Variants in SYTL5 observed in about 807,000 individuals in gnomAD.
SYTL5 encodes the protein synaptotagmin-like protein 5.
A neutral mutation model predicts 55.9 loss-of-function variants in SYTL5; 34 were observed. That is an observed-to-expected ratio of 0.61 (90% CI 0.46 to 0.81). SYTL5 has a LOEUF of 0.81. Ranked by LOEUF, SYTL5 falls within the 30% of genes least tolerant of loss-of-function variation. The pLI is 0.00. For synonymous variants in SYTL5, 221 were observed against 188.7 expected (o/e 1.17, Z -1.40); for missense variants, 637 against 546.7 (o/e 1.17, Z -1.65).
chrX:38,123,776 A>G (rs987297662), intron 15 of SYTL5, among the ~76,000 whole-genome samples: 2 of 112,154 alleles, frequency 1.8e-5, no homozygotes, highest in African/African-American at 6.5e-5. Flanking sequence ...TTCTAGAAAG[A>G]AAAACAAAAG....
In SYTL5 at chrX:38,076,658, G is replaced by A. The variant is rs370179164; in HGVS notation, c.646G>A (p.Gly216Ser). 8.3e-6 allele frequency: 10 copies of A among 1,210,355 alleles called. No homozygotes were observed. The Middle Eastern group carries it at 6.9e-4, about 84-fold the overall frequency. ...TGRSYSLDLD[G>S]QHFRSLKSPP... ...GCGGAGCTATAGCTTGGACTTAGAC[G>A]GTCAACATTTTCGGAGTTTAAAATC... Residue 216 changes from glycine to serine, a missense_variant, in exon 6 of 17, where the codon GGT becomes AGT. By Grantham distance (56) the Gly-to-Ser change is moderately conservative. Coordinates refer to ENST00000297875, the MANE Select transcript of SYTL5 (RefSeq NM_138780.3).
chrX:38,040,705 C>T (rs905234588), intron 2 of SYTL5, among the ~76,000 whole-genome samples: 4 of 111,787 alleles, frequency 3.6e-5, no homozygotes, highest in Admixed American at 1.9e-4. Flanking sequence ...ATATGTACCA[C>T]GTTTTGTTTA....
At chrX:38,018,981 T>C (rs1488779821) in intron 1 of SYTL5, among the ~76,000 whole-genome samples, 1 of 112,191 alleles carries the variant, frequency 8.9e-6, no homozygotes, top group Non-Finnish European at 1.9e-5. Context: ...GTGCTGGTCT[T>C]TCAAAAAACA....
At chrX:37,939,048 G>A in the SYTL5 span, among the ~76,000 whole-genome samples, 6 of 110,360 alleles carry the variant, frequency 5.4e-5, no homozygotes, top group Admixed American at 3.9e-4. Flanking sequence ...ACCTGAGGTC[G>A]GGAGTTTGAG....
At chrX:38,013,916 T>TAG (rs1934263802) in intron 1 of SYTL5, among the ~76,000 whole-genome samples, 1 of 110,700 alleles carries the variant, frequency 9.0e-6, no homozygotes, top group Non-Finnish European at 1.9e-5. Context: ...CAACTCCTCC[T>TAG]CTCCTAGCTT....
At chrX:38,007,080 C>G (rs927776878) in intron 1 of SYTL5, among the ~76,000 whole-genome samples, 1 of 111,397 alleles carries the variant, frequency 9.0e-6, no homozygotes, top group African/African-American at 3.2e-5. Context: ...TCTCACATCT[C>G]TATATAACAT....
intron 1 of SYTL5, among the ~76,000 whole-genome samples, chrX:38,029,285 AC>A (rs1934878974): frequency 8.9e-6 from 1 of 112,269 alleles, no homozygotes. Context: ...CTAACTTCAA[AC>A]AATCCTTTAA....
At chrX:37,924,388 T>C in the SYTL5 span, among the ~76,000 whole-genome samples, 13 of 111,601 alleles carry the variant, frequency 1.2e-4, no homozygotes, top group Non-Finnish European at 1.9e-4. Flanking sequence ...GAGGATTAAA[T>C]GAGATAACAT....
the SYTL5 span, among the ~76,000 whole-genome samples, chrX:37,969,501 G>C: frequency 9.0e-6 from 1 of 111,624 alleles, no homozygotes; most frequent in Non-Finnish European, 1.9e-5. Context: ...TAACAGGCAT[G>C]CAGAATAAAA....
chrX:38,076,051 G>T (rs191228841), intron 5 of SYTL5, among the ~76,000 whole-genome samples: 1 of 111,735 alleles, frequency 8.9e-6, no homozygotes, highest in Admixed American at 9.5e-5. Flanking sequence ...TTAGTCATTC[G>T]TTCCACAAGA....
At chrX:38,111,940 TC>T (rs1937370251) in intron 13 of SYTL5, among the ~76,000 whole-genome samples, 2 of 111,149 alleles carry the variant, frequency 1.8e-5, no homozygotes, top group Admixed American at 9.6e-5. Flanking sequence ...ATATCTAAGC[TC>T]CCCTAGACCT....
chrX:37,972,360 A>G, the SYTL5 span, among the ~76,000 whole-genome samples: 3 of 111,508 alleles, frequency 2.7e-5, no homozygotes, highest in Non-Finnish European at 5.7e-5. Flanking sequence ...ACAACTTCCT[A>G]GGAGAAAACC....
the SYTL5 span, among the ~76,000 whole-genome samples, chrX:37,927,121 T>C: frequency 6.7e-3 from 750 of 112,163 alleles, 5 homozygotes; most frequent in African/African-American, 0.024. Flanking sequence ...CAAATCCATA[T>C]GGAATCCTTC....
intron 3 of SYTL5, among the ~76,000 whole-genome samples, chrX:38,069,962 A>G (rs73465502): frequency 0.058 from 6,438 of 111,781 alleles, 181 homozygotes; most frequent in Middle Eastern, 0.12. Context: ...CCATAAGCGT[A>G]TTTTATATAG....
intron 1 of SYTL5, among the ~76,000 whole-genome samples, chrX:38,012,581 C>G (rs1254936288): frequency 8.9e-6 from 1 of 111,898 alleles, no homozygotes; most frequent in Non-Finnish European, 1.9e-5. Flanking sequence ...AGTTCAGCAA[C>G]AGCCCACTTT....
intron 7 of SYTL5, among the ~76,000 whole-genome samples, chrX:38,092,722 G>A (rs1450834770): frequency 1.8e-5 from 2 of 111,077 alleles, no homozygotes; most frequent in African/African-American, 6.6e-5. Context: ...GACGCACCCA[G>A]AATAATACTT....
chrX:38,076,734 C>T, intron 6 of SYTL5, 33 bp downstream of exon 6: 5 of 1,193,627 alleles, frequency 4.2e-6, no homozygotes, highest in East Asian at 6.0e-5. Flanking sequence ...AATGATGTAG[C>T]CTGAGGTTAA....
the SYTL5 span, among the ~76,000 whole-genome samples, chrX:37,956,755 C>T: frequency 1.4e-3 from 157 of 111,767 alleles, no homozygotes; most frequent in Middle Eastern, 4.6e-3. Flanking sequence ...AGCATGGGAG[C>T]GCAGATATGC....
At chrX:37,902,820 T>C in the SYTL5 span, among the ~76,000 whole-genome samples, 4 of 111,769 alleles carry the variant, frequency 3.6e-5, no homozygotes, top group Non-Finnish European at 7.5e-5. Context: ...TCCCTGGAGT[T>C]ATCAGGAAAG....
Sources: gnomAD v4.1 joint callset for allele counts (sites outside exome capture counted in the v4.1 genomes callset) on GRCh38, gnomAD v4.1.1 for gene constraint, MANE v1.5 for transcripts, NCBI Gene and HGNC (gene_info 2026-07-23, HGNC 2026-07-21) for gene names.